PRKG1: variants seen among roughly 807,000 people sequenced by gnomAD.
PRKG1 encodes cGMP-dependent protein kinase 1.
In PRKG1, 35 loss-of-function variants were observed where a neutral mutation model predicts 88.1. That is an observed-to-expected ratio of 0.40 (90% CI 0.30 to 0.53). The LOEUF is 0.53. Ranked by LOEUF, PRKG1 falls within the 20% of genes least tolerant of loss-of-function variation. PRKG1 has a pLI of 0.59. For missense variants in PRKG1, 540 were observed against 839.8 expected (o/e 0.64, Z 4.41); for synonymous variants, 303 against 292.5 (o/e 1.04, Z -0.37).
intron 4 of PRKG1, among the ~76,000 whole-genome samples, chr10:51,817,530 A>ATC (rs1303762876): frequency 6.6e-6 from 1 of 152,060 alleles, no homozygotes; most frequent in Non-Finnish European, 1.5e-5. Context: ...ACATGAACTC[A>ATC]TCCTTTTTTT....
intron 3 of PRKG1, among the ~76,000 whole-genome samples, chr10:51,525,389 T>A (rs190961421): frequency 6.6e-6 from 1 of 152,098 alleles, no homozygotes; most frequent in Non-Finnish European, 1.5e-5. Context: ...CAAAATAATA[T>A]GGCGTGCATG....
At chr10:51,833,910 A>T (rs1840064496) in intron 4 of PRKG1, among the ~76,000 whole-genome samples, 1 of 152,088 alleles carries the variant, frequency 6.6e-6, no homozygotes, top group South Asian at 2.1e-4. Context: ...TGCTTTTATG[A>T]AATTGGGTGT....
chr10:52,154,480 T>C (rs1002861578), intron 8 of PRKG1, among the ~76,000 whole-genome samples: 5 of 152,198 alleles, frequency 3.3e-5, no homozygotes, highest in African/African-American at 1.2e-4. Context: ...TACAAAAAGA[T>C]TGTGAATTCA....
At chr10:51,232,183 G>C (rs1456706422) in intron 2 of PRKG1, among the ~76,000 whole-genome samples, 1 of 152,176 alleles carries the variant, frequency 6.6e-6, no homozygotes, top group Non-Finnish European at 1.5e-5. Context: ...AGTAGAGCCA[G>C]TATCCAGGAC....
intron 3 of PRKG1, among the ~76,000 whole-genome samples, chr10:51,522,603 G>T (rs1423655027): frequency 6.6e-6 from 1 of 152,150 alleles, no homozygotes; most frequent in African/African-American, 2.4e-5. Context: ...ACAGTGAGGG[G>T]TGTATGTGAA....
chr10:52,075,281 T>C (rs999713239), intron 7 of PRKG1, among the ~76,000 whole-genome samples: 1 of 152,204 alleles, frequency 6.6e-6, no homozygotes, highest in African/African-American at 2.4e-5. Context: ...ACTGAAGATA[T>C]TACGTTCATA....
intron 3 of PRKG1, among the ~76,000 whole-genome samples, chr10:51,517,441 A>C (rs562871153): frequency 1.3e-5 from 2 of 152,210 alleles, no homozygotes; most frequent in East Asian, 3.9e-4. Context: ...GGTGTCAACA[A>C]CACTTGCTGA....
intron 3 of PRKG1, among the ~76,000 whole-genome samples, chr10:51,701,126 T>C (rs1012120884): frequency 6.6e-6 from 1 of 152,206 alleles, no homozygotes; most frequent in Non-Finnish European, 1.5e-5. Context: ...ATGTTATTCA[T>C]TTCATTTTAC....
chr10:51,591,763 C>CA (rs776012020), intron 3 of PRKG1, among the ~76,000 whole-genome samples: 22 of 151,270 alleles, frequency 1.5e-4, no homozygotes, highest in South Asian at 1.0e-3. Context: ...TTCAATTAGA[C>CA]AAAAAAAAGA....
intron 5 of PRKG1, among the ~76,000 whole-genome samples, chr10:51,997,426 G>T (rs181429077): frequency 1.4e-5 from 2 of 146,034 alleles, no homozygotes; most frequent in African/African-American, 2.6e-5. Context: ...AGCCGAGATC[G>T]CACCACTGCA....
At chr10:51,009,522 A>G (rs189137272) in intron 1 of PRKG1, among the ~76,000 whole-genome samples, 74 of 152,312 alleles carry the variant, frequency 4.9e-4, no homozygotes, top group African/African-American at 1.7e-3. Flanking sequence ...CTATTTTACT[A>G]TCATACCACT....
chr10:51,914,913 A>G (rs553975456), intron 5 of PRKG1, among the ~76,000 whole-genome samples: 1 of 152,346 alleles, frequency 6.6e-6, no homozygotes, highest in Admixed American at 6.5e-5. Context: ...TTTTTAAAAA[A>G]GACAAAAAAA....
chr10:51,535,948 C>G (rs1005087506), intron 3 of PRKG1, among the ~76,000 whole-genome samples: 1 of 152,022 alleles, frequency 6.6e-6, no homozygotes, highest in Non-Finnish European at 1.5e-5. Context: ...GTCCTGACCT[C>G]CTGACCTCAG....
At chr10:51,940,640 T>C (rs994462984) in intron 5 of PRKG1, among the ~76,000 whole-genome samples, 5 of 151,906 alleles carry the variant, frequency 3.3e-5, no homozygotes, top group African/African-American at 1.2e-4. Context: ...TACAGAGTCA[T>C]TTAAACATGC....
At chr10:51,456,886 T>C (rs192848384) in intron 2 of PRKG1, among the ~76,000 whole-genome samples, 2 of 152,298 alleles carry the variant, frequency 1.3e-5, no homozygotes, top group East Asian at 3.9e-4. Context: ...CACAAAGAGA[T>C]ACCACCTTAC....
chr10:51,098,129 G>A (rs1008065913), intron 1 of PRKG1, among the ~76,000 whole-genome samples: 2 of 151,862 alleles, frequency 1.3e-5, no homozygotes, highest in Non-Finnish European at 2.9e-5. Flanking sequence ...AATAATACAT[G>A]TCTGAGAGAT....
intron 7 of PRKG1, among the ~76,000 whole-genome samples, chr10:52,098,627 G>C (rs1426926527): frequency 6.6e-6 from 1 of 152,172 alleles, no homozygotes; most frequent in East Asian, 1.9e-4. Flanking sequence ...TGTGTAAATA[G>C]ATGTATAAAT....
chr10:51,392,856 G>A (rs1460451223), intron 2 of PRKG1, among the ~76,000 whole-genome samples: 1 of 146,428 alleles, frequency 6.8e-6, no homozygotes, highest in Admixed American at 6.7e-5. Context: ...GCCGGGCTGG[G>A]GGCTGACCCC....
At chr10:51,538,257 G>A (rs1842208423) in intron 3 of PRKG1, among the ~76,000 whole-genome samples, 1 of 151,724 alleles carries the variant, frequency 6.6e-6, no homozygotes, top group Non-Finnish European at 1.5e-5. Flanking sequence ...TTGATGTTCA[G>A]TACAAAAGAT....
Sources: gnomAD v4.1 joint callset for allele counts (sites outside exome capture counted in the v4.1 genomes callset) on GRCh38, gnomAD v4.1.1 for gene constraint, MANE v1.5 for transcripts, NCBI Gene and HGNC (gene_info 2026-07-23, HGNC 2026-07-21) for gene names.